The following LPIN2 variants were observed in gnomAD, a reference collection of about 807,000 sequenced individuals.
LPIN2 encodes lipin 2, also known as phosphatidate phosphatase LPIN2.
In LPIN2, 55 loss-of-function variants were observed where a neutral mutation model predicts 111.4. The ratio of observed to expected loss-of-function variants is 0.49; its 90% CI spans 0.40 to 0.62. LPIN2 has a LOEUF of 0.62. Ranked by LOEUF, LPIN2 falls within the 20% of genes least tolerant of loss-of-function variation. LPIN2 has a pLI of 0.00. For missense variants in LPIN2, 992 were observed against 1,112.1 expected, an observed-to-expected ratio of 0.89 and a Z score of 1.54; for synonymous variants, 425 against 414.0, an observed-to-expected ratio of 1.03 and a Z score of -0.32.
intron 4 of LPIN2, among the ~76,000 whole-genome samples, chr18:2,944,571 C>T (rs938100840): frequency 6.1e-4 from 92 of 151,940 alleles, no homozygotes; most frequent in African/African-American, 2.1e-3. Context: ...AGGATGGTCT[C>T]GATCTCCTGA....
intron 2 of LPIN2, among the ~76,000 whole-genome samples, chr18:2,959,891 G>A (rs1568573566): frequency 6.6e-6 from 1 of 152,104 alleles, no homozygotes; most frequent in African/African-American, 2.4e-5. Context: ...GCCAGGTGCG[G>A]TGGCTCTACA....
At chr18:2,959,290 A>G (rs2077671092) in intron 2 of LPIN2, among the ~76,000 whole-genome samples, 1 of 152,190 alleles carries the variant, frequency 6.6e-6, no homozygotes, top group African/African-American at 2.4e-5. Context: ...GGAAAAAAAG[A>G]AAAAGAATAT....
At chr18:2,929,223 A>G (rs549060470) in intron 9 of LPIN2, 65 bp from the exon 10 acceptor site, 3 of 1,033,684 alleles carry the variant, frequency 2.9e-6, no homozygotes, top group East Asian at 4.8e-5. Context: ...AGATTATAAT[A>G]CTCTCTGCAT....
At position 2,917,305 on chromosome 18, in the gene LPIN2, A is replaced by T. The variant is rs1206303389; in HGVS notation, c.*2988T>A. ...GAGCACTTACTTCAGGGAAAGACTC[A>T]ATTTTTAACCAGTTTTATTAAACCC... is the stretch of plus-strand genomic sequence containing the variant. On this transcript the variant is annotated 3_prime_UTR_variant, in exon 20 of 20. Coordinates refer to ENST00000677752, the MANE Select transcript of LPIN2 (RefSeq NM_001375808.2). The T allele has an allele frequency of 6.6e-6, 1 of 152,260 alleles. No homozygotes were observed. The highest frequency in any genetic ancestry group is 1.5e-5 in the Non-Finnish European group (1 of 68,044). 9.4% of individuals were successfully genotyped at this position (152,260 alleles called of 1,614,324 possible).
chr18:3,000,281 A>C (rs28401562), intron 1 of LPIN2, among the ~76,000 whole-genome samples: 6,757 of 152,220 alleles, frequency 0.044, 194 homozygotes, highest in East Asian at 0.075. Context: ...TAAAGTACAG[A>C]AACAGGAGAG....
chr18:2,940,585 G>GA lies in LPIN2; in HGVS notation c.698+19dup, dbSNP rs776838253. 21 of 1,494,622 alleles carry GA rather than the reference G, an allele frequency of 1.4e-5. No homozygotes were observed. The highest frequency in any genetic ancestry group is 1.5e-5 in the Non-Finnish European group (16 of 1,073,084). 92.6% of individuals were successfully genotyped at this position (1,494,622 alleles called of 1,614,324 possible). Reference sequence around the variant, plus strand: ...TCTCCTTCCTCTTTCAAGAAACCAAGAAATTTCAAAGATACTTACGTCTCT... The same window carrying GA: ...TCTCCTTCCTCTTTCAAGAAACCAAGAAAATTTCAAAGATACTTACGTCTCT... On this transcript the variant is annotated intron_variant, in intron 5 of 19. Transcript: ENST00000677752.
chr18:2,938,122 C>A, intron 6 of LPIN2, 85 bp from the exon 7 acceptor site: 1 of 1,003,720 alleles, frequency 1.0e-6, no homozygotes, highest in South Asian at 1.3e-5. Context: ...TGTGTTCATT[C>A]TATTTTTAAC....
rs1041154832 is a variant in LPIN2, at chr18:2,956,057, A to G, written c.193-1458T>C. On this transcript the variant is annotated intron_variant, in intron 2 of 19. Transcript: ENST00000677752. Reference sequence around the variant, plus strand: ...TGACTTGTATTATAAGTCTAAAGACATATTTGATATGTTACTCCAAACAAA... The same window carrying G: ...TGACTTGTATTATAAGTCTAAAGACGTATTTGATATGTTACTCCAAACAAA... 8.0e-5 allele frequency among the ~76,000 whole-genome samples: 12 copies of G among 150,304 alleles called. No individual in the cohort carries two copies. In the East Asian group the frequency reaches 1.3e-3, roughly 17 times the overall value.
intron 4 of LPIN2, among the ~76,000 whole-genome samples, chr18:2,944,882 CTTAT>C (rs2077426047): frequency 6.6e-6 from 1 of 152,082 alleles, no homozygotes; most frequent in African/African-American, 2.4e-5. Context: ...CCTCTGTATT[CTTAT>C]TTATGTTTCC....
intron 1 of LPIN2, among the ~76,000 whole-genome samples, chr18:2,987,845 C>A (rs1183845378): frequency 1.3e-5 from 2 of 151,676 alleles, no homozygotes; most frequent in Non-Finnish European, 2.9e-5. Context: ...TCAAGACCAG[C>A]CTGGCCAACA....
rs954670548 is a variant in LPIN2, at chr18:2,917,037, T to G, written c.*3256A>C. On this transcript the variant is annotated 3_prime_UTR_variant, in exon 20 of 20. Transcript: ENST00000677752. ...CGTTTATTGTTGTAACATTTTGTTT[T>G]GAACATCAAACACTGCACCAAAATA... 9 of 152,256 alleles carry G rather than the reference T, an allele frequency of 5.9e-5. No individual in the cohort carries two copies. The highest frequency in any genetic ancestry group is 2.2e-4 in the African/African-American group (9 of 41,470). 9.4% of individuals were successfully genotyped at this position (152,256 alleles called of 1,614,324 possible).
Position 2,925,099 on chromosome 18 carries a change from A to G in LPIN2, c.1938+125T>C. On this transcript the variant is annotated intron_variant, in intron 14 of 19. Transcript: ENST00000677752. The surrounding 1 kb of genome is among the most constrained non-coding windows in gnomAD (Gnocchi z 4.1). ...GGTCGTGGTTCCACTGTGGATAGGC[A>G]TTGACACGACCATGCCGTGTGGCGT... 7.8e-7 allele frequency: 1 copy of G among 1,286,374 alleles called. No homozygotes were observed. 79.7% of individuals were successfully genotyped at this position (1,286,374 alleles called of 1,614,324 possible). A position where few individuals can be genotyped will look rare whatever the true frequency, so the allele number is the denominator to read the frequency against.
Position 2,946,515 on chromosome 18 carries a change from G to A in LPIN2, c.590+4540C>T, listed in dbSNP as rs769211654. ...GGATCGAAGCGCTGACCGCAGCTCC[G>A]GTTGTAGCACAGCAAGGCCATTTTT... On this transcript the variant is annotated intron_variant, in intron 4 of 19. Transcript: ENST00000677752. The A allele has an allele frequency of 5.6e-5, 88 of 1,564,974 alleles. No individual in the cohort carries two copies. In the Middle Eastern group the frequency reaches 1.0e-3, roughly 18 times the overall value.
chr18:2,929,781 C>A (rs113260559), intron 9 of LPIN2, among the ~76,000 whole-genome samples: 10,660 of 152,148 alleles, frequency 0.07, 443 homozygotes, highest in Non-Finnish European at 0.096. Flanking sequence ...TGGTGCCAAC[C>A]TGTAATTCCA....
intron 1 of LPIN2, among the ~76,000 whole-genome samples, chr18:2,975,710 T>C (rs2078001625): frequency 6.6e-6 from 1 of 152,186 alleles, no homozygotes; most frequent in African/African-American, 2.4e-5. Context: ...CTAAACCTTC[T>C]AAAAGAATTG....
chr18:2,922,140 C>G lies in LPIN2; in HGVS notation c.2234G>C (p.Arg745Pro). 2 of 1,613,914 alleles carry G rather than the reference C, an allele frequency of 1.2e-6. No individual in the cohort carries two copies. The highest frequency in any genetic ancestry group is 1.7e-6 in the Non-Finnish European group (2 of 1,180,004). Residue 745 changes from arginine to proline, a missense_variant, in exon 17 of 20, where the codon CGT becomes CCT. Transcript: ENST00000677752. ...GTCATTGACCCAGTGCAGGTAGCCA[C>G]GGGTCATGTCGGCCATGCCGATGGC... ...ARAIGMADMT[R>P]GYLHWVNDKG... is the part of the protein sequence containing the mutation.
At chr18:2,986,547 T>TGAAAAA (rs10692682) in intron 1 of LPIN2, among the ~76,000 whole-genome samples, 3,023 of 134,894 alleles carry the variant, frequency 0.022, 133 homozygotes, top group East Asian at 0.084. Context: ...TTTTTTAATG[T>TGAAAAA]AAAAAAAAAA....
At chr18:2,921,803 A>T (rs531146932) in intron 17 of LPIN2, 156 bp from the exon 18 acceptor site, 97 of 771,752 alleles carry the variant, frequency 1.3e-4, no homozygotes, top group Non-Finnish European at 2.0e-4. Flanking sequence ...ATAACTAAGA[A>T]AATTTGAGTG....
At chr18:2,985,835 G>A (rs2078179309) in intron 1 of LPIN2, among the ~76,000 whole-genome samples, 2 of 152,068 alleles carry the variant, frequency 1.3e-5, no homozygotes, top group Admixed American at 1.3e-4. Context: ...CCATACTATG[G>A]AAACACAACA....
Sources: gnomAD v4.1 joint callset for allele counts (sites outside exome capture counted in the v4.1 genomes callset) on GRCh38, gnomAD v4.1.1 for gene constraint, Gnocchi (gnomAD v3.1) non-coding constraint, MANE v1.5 for transcripts, NCBI Gene and HGNC (gene_info 2026-07-23, HGNC 2026-07-21) for gene names.